VTI1B: variants seen among roughly 807,000 people sequenced by gnomAD.
The protein encoded by VTI1B is vesicle transport through interaction with t-SNAREs 1B.
VTI1B carries 18 observed loss-of-function variants against 28.6 expected under a neutral mutation model. The observed-to-expected ratio is 0.63, with a 90% CI of 0.43 to 0.93. VTI1B has a LOEUF of 0.93. VTI1B is among the 40% of genes least tolerant of loss of function. The pLI is 0.00. For synonymous variants in VTI1B, 100 were observed against 107.9 expected, an observed-to-expected ratio of 0.93 and a Z score of 0.46; for missense variants, 283 against 297.0, an observed-to-expected ratio of 0.95 and a Z score of 0.35.
intron 1 of VTI1B, among the ~76,000 whole-genome samples, chr14:67,668,470 G>GT (rs1282367052): frequency 2.6e-5 from 4 of 152,198 alleles, no homozygotes; most frequent in Non-Finnish European, 5.9e-5. Flanking sequence ...GAGAAATACA[G>GT]TTTTTGTTGT....
Position 67,648,318 on chromosome 14 carries a change from TTA to T in VTI1B, c.*3065_*3066del. ...TTGCTTAAACTTTTGTAGCTAAAAA[TTA>T]TATGGCCATGCTAATAAAAAGGATA... On this transcript the variant is annotated 3_prime_UTR_variant, in exon 6 of 6. Coordinates refer to ENST00000554659, the MANE Select transcript of VTI1B (RefSeq NM_006370.3). The T allele has an allele frequency of 1.0e-6, 1 of 967,474 alleles. No individual in the cohort carries two copies. The highest frequency in any genetic ancestry group is 1.7e-5 in the African/African-American group (1 of 60,438). 59.9% of individuals were successfully genotyped at this position (967,474 alleles called of 1,614,324 possible).
chr14:67,671,162 A>C (rs961992903), intron 1 of VTI1B, among the ~76,000 whole-genome samples: 6 of 152,356 alleles, frequency 3.9e-5, no homozygotes, highest in African/African-American at 1.4e-4. Context: ...TGGACTTATT[A>C]TAATTCTAGG....
Position 67,656,577 on chromosome 14 carries a change from A to G in VTI1B, c.379T>C (p.Ser127Pro). ...VENEHMNRLQSQRAMLLQGTE... is the reference protein window; with the variant it reads ...VENEHMNRLQPQRAMLLQGTE... ...CCCTGCAGAAGCATTGCCCTTTGAG[A>G]CTGTAGCCGATTCTGAAAGAAGTAT... is the stretch of plus-strand genomic sequence containing the variant. The change falls in exon 4 of 6, where the codon TCT (serine) becomes CCT (proline). Residue 127 changes from serine to proline, a missense_variant. Coordinates refer to ENST00000554659, the MANE Select transcript of VTI1B (RefSeq NM_006370.3). 6.2e-7 allele frequency: 1 copy of G among 1,601,210 alleles called. No homozygotes were observed. Among genetic ancestry groups the G allele is most frequent in the East Asian group, 2.2e-5 (1 of 44,788 alleles).
rs751611145 is a variant in VTI1B, at chr14:67,659,783, C to T, written c.314G>A (p.Gly105Glu). 1 of 1,613,980 alleles carries T rather than the reference C, an allele frequency of 6.2e-7. No homozygotes were observed. Among genetic ancestry groups the T allele is most frequent in the Non-Finnish European group, 8.5e-7 (1 of 1,179,988 alleles). ...GCCATATTTCATGTCTCCTCGGCCT[C>T]CAGGTGTGGCTGTCAAAGGTGTGCT... Reference protein sequence around the residue: ...VRSTPLTATPGGRGDMKYGIY... With the variant: ...VRSTPLTATPEGRGDMKYGIY... Residue 105 changes from glycine to glutamate, a missense_variant, in exon 3 of 6, where the codon GGA becomes GAA. Coordinates refer to ENST00000554659, the MANE Select transcript of VTI1B (RefSeq NM_006370.3).
Position 67,674,543 on chromosome 14 carries a change from TC to T in VTI1B, c.-55del. The stretch of plus-strand genomic sequence containing the variant: ...CCGAGATTCGGGGCCCTGGGCCCTT[TC>T]CTAGCCCGGCGGTCAGCCGCCCAGC... On this transcript the variant is annotated 5_prime_UTR_variant, in exon 1 of 6. Coordinates refer to ENST00000554659, the MANE Select transcript of VTI1B (RefSeq NM_006370.3). 2 of 1,477,384 alleles carry T rather than the reference TC, an allele frequency of 1.4e-6. No individual in the cohort carries two copies. The highest frequency in any genetic ancestry group is 1.8e-6 in the Non-Finnish European group (2 of 1,108,838). The allele number at this position is 1,477,384 out of a possible 1,614,324, so 91.5% of individuals were successfully genotyped here. A position where few individuals can be genotyped will look rare whatever the true frequency, so the allele number is the denominator to read the frequency against.
At chr14:67,654,714 T>C (rs1381036501) in intron 4 of VTI1B, among the ~76,000 whole-genome samples, 1 of 152,108 alleles carries the variant, frequency 6.6e-6, no homozygotes, top group Non-Finnish European at 1.5e-5. Flanking sequence ...GAATACAGCA[T>C]TCCATTGGTA....
chr14:67,657,985 G>A (rs1323533976), intron 3 of VTI1B, among the ~76,000 whole-genome samples: 1 of 152,018 alleles, frequency 6.6e-6, no homozygotes, highest in African/African-American at 2.4e-5. Context: ...CTGACCTCAG[G>A]TGATCCACCA....
chr14:67,659,681 C>T lies in VTI1B; in HGVS notation c.366+50G>A, dbSNP rs777495897. 9.8e-6 allele frequency: 15 copies of T among 1,533,052 alleles called. 1 individual carries two copies. The highest frequency in any genetic ancestry group is 4.9e-4 in the Middle Eastern group (2 of 4,108). 95.0% of individuals were successfully genotyped at this position (1,533,052 alleles called of 1,614,324 possible). A position where few individuals can be genotyped will look rare whatever the true frequency, so the allele number is the denominator to read the frequency against. Reference sequence around the variant, plus strand: ...CCCAACAATATAGTTAATTTTTGTACCACAGGCCCTTAAAGGAAAAAAAAA... The same window carrying T: ...CCCAACAATATAGTTAATTTTTGTATCACAGGCCCTTAAAGGAAAAAAAAA... On this transcript the variant is annotated intron_variant, in intron 3 of 5. Transcript: ENST00000554659.
rs1473579539 is a variant in VTI1B at position 67,649,614 on chromosome 14, C to T, written c.*1771G>A. 6.6e-6 allele frequency: 1 copy of T among 152,144 alleles called. No individual in the cohort carries two copies. Among genetic ancestry groups the T allele is most frequent in the Non-Finnish European group, 1.5e-5 (1 of 68,032 alleles). The allele number at this position is 152,144 out of a possible 1,614,324, so 9.4% of individuals were successfully genotyped here. A position where few individuals can be genotyped will look rare whatever the true frequency, so the allele number is the denominator to read the frequency against. On this transcript the variant is annotated 3_prime_UTR_variant, in exon 6 of 6. Transcript: ENST00000554659. ...CAGAGACAAATCAGGAACACAGGTC[C>T]ATGTGCAGGAAATGATGGAAATGCT...
At chr14:67,666,819 C>A (rs569196819) in intron 1 of VTI1B, among the ~76,000 whole-genome samples, 1 of 152,186 alleles carries the variant, frequency 6.6e-6, no homozygotes, top group African/African-American at 2.4e-5. Flanking sequence ...CAGTCCAAGG[C>A]TTTTCTGTAT....
In VTI1B at chr14:67,667,861, G is replaced by A. The variant is rs142231754; in HGVS notation, c.116-5326C>T. Among the ~76,000 whole-genome samples, 509 of 152,134 alleles carry A rather than the reference G, an allele frequency of 3.3e-3. 18 individuals carry two copies. The East Asian group carries it at 0.082, about 25-fold the overall frequency. ...CGGGAGGCTGAGGCAGAAGAATGGC[G>A]TGAACCCGGAAGGCAGAAGTTGCAG... On this transcript the variant is annotated intron_variant, in intron 1 of 5. Coordinates refer to ENST00000554659, the MANE Select transcript of VTI1B (RefSeq NM_006370.3).
Position 67,650,664 on chromosome 14 carries a change from T to G in VTI1B, c.*721A>C. 1 of 1,560,460 alleles carries G rather than the reference T, an allele frequency of 6.4e-7. No homozygotes were observed. Among genetic ancestry groups the G allele is most frequent in the Non-Finnish European group, 8.8e-7 (1 of 1,132,940 alleles). ...CCTGTCCCAGTGGGATGACCCTCAC[T>G]GAGAGTAGCAGCAAGGGAACCTGAG... On this transcript the variant is annotated 3_prime_UTR_variant, in exon 6 of 6. Transcript: ENST00000554659.
intron 1 of VTI1B, among the ~76,000 whole-genome samples, chr14:67,665,962 G>C (rs1370428267): frequency 6.6e-6 from 1 of 152,184 alleles, no homozygotes; most frequent in African/African-American, 2.4e-5. Context: ...TCCTGAGGGG[G>C]ATGTGTTCTT....
intron 1 of VTI1B, among the ~76,000 whole-genome samples, chr14:67,665,019 C>A (rs370890938): frequency 3.3e-5 from 5 of 152,262 alleles, no homozygotes; most frequent in African/African-American, 1.2e-4. Context: ...GAGTGCACCA[C>A]CACAACCAGA....
chr14:67,655,968 G>A (rs10150532), intron 4 of VTI1B, among the ~76,000 whole-genome samples: 4,208 of 152,250 alleles, frequency 0.028, 168 homozygotes, highest in African/African-American at 0.09. Context: ...CAAAGCGGCC[G>A]GGCACAGTGG....
At chr14:67,659,629 C>G in intron 3 of VTI1B, 102 bp downstream of exon 3, 2 of 1,185,360 alleles carry the variant, frequency 1.7e-6, no homozygotes, top group African/African-American at 3.1e-5. Context: ...AAACAAGAGT[C>G]TAGTATACAC....
intron 5 of VTI1B, chr14:67,652,690 A>G (rs756297929): frequency 2.0e-5 from 3 of 152,236 alleles, no homozygotes; most frequent in Non-Finnish European, 4.4e-5. Flanking sequence ...TCTTCCCTAC[A>G]ATATAGAACT....
At chr14:67,653,617 GC>G (rs1425782942) in intron 4 of VTI1B, 119 bp from the exon 5 acceptor site, 1 of 870,394 alleles carries the variant, frequency 1.1e-6, no homozygotes, top group African/African-American at 1.7e-5. Context: ...AAGAAATCAA[GC>G]CAATTTAAAT....
intron 1 of VTI1B, 91 bp from the exon 2 acceptor site, chr14:67,662,626 C>A: frequency 1.7e-6 from 2 of 1,190,150 alleles, no homozygotes; most frequent in East Asian, 2.5e-5. Flanking sequence ...CTTCCTATGG[C>A]AGGGCCTGGT....
Sources: gnomAD v4.1 joint callset for allele counts (sites outside exome capture counted in the v4.1 genomes callset) on GRCh38, gnomAD v4.1.1 for gene constraint, MANE v1.5 for transcripts, NCBI Gene and HGNC (gene_info 2026-07-23, HGNC 2026-07-21) for gene names.